The following SHF variants were observed in gnomAD, a reference collection of about 807,000 sequenced individuals.
The protein encoded by SHF is Src homology 2 domain containing F.
SHF carries 30 observed loss-of-function variants against 42.4 expected under a neutral mutation model. The ratio of observed to expected loss-of-function variants is 0.71; its 90% CI spans 0.53 to 0.96. The LOEUF is 0.96. Among genes scored for constraint, SHF ranks in the 40% least tolerant of loss-of-function variants. SHF has a pLI of 0.00. For synonymous variants in SHF, 264 were observed against 269.9 expected (o/e 0.98, Z 0.21); for missense variants, 598 against 634.0 (o/e 0.94, Z 0.61).
In SHF at chr15:45,173,655, G is replaced by A; in HGVS notation, c.909C>T (p.Ser303=). 1 of 1,551,636 alleles carries A rather than the reference G, an allele frequency of 6.4e-7. No homozygotes were observed. Among genetic ancestry groups the A allele is most frequent in the Non-Finnish European group, 8.7e-7 (1 of 1,146,976 alleles). The stretch of plus-strand genomic sequence containing the variant: ...CCCTGTCCCCATCAGGCAGGGAGGG[G>A]CTGCTGTCCAGCTGTCCCACAGGTG... The part of the protein sequence containing the change: ...WPPPVGQLDS[S]PSLPDGDRDI... Residue 303 remains serine, a synonymous_variant, in exon 4 of 7, where the codon AGC becomes AGT. Coordinates refer to ENST00000690270, the MANE Select transcript of SHF (RefSeq NM_001394037.1).
chr15:45,195,556 AT>A (rs1898838915), intron 2 of SHF, among the ~76,000 whole-genome samples: 1 of 151,604 alleles, frequency 6.6e-6, no homozygotes, highest in African/African-American at 2.4e-5. Context: ...ACATTCTTTT[AT>A]TTAAAGTCTA....
chr15:45,183,304 A>G (rs964283308), intron 1 of SHF, among the ~76,000 whole-genome samples: 1 of 141,952 alleles, frequency 7.0e-6, no homozygotes, highest in Non-Finnish European at 1.5e-5. Flanking sequence ...TCCTCACAGG[A>G]TTGTTTTAAG....
chr15:45,192,332 A>G (rs934969371), upstream of SHF, among the ~76,000 whole-genome samples: 6 of 127,002 alleles, frequency 4.7e-5, no homozygotes, highest in African/African-American at 1.2e-4. Context: ...GAAACTCCCT[A>G]CAGTTTTTTT....
intron 1 of SHF, chr15:45,200,399 C>T (rs900655890): frequency 2.7e-5 from 6 of 218,224 alleles, no homozygotes; most frequent in Non-Finnish European, 4.8e-5. Flanking sequence ...CTTGCCGTGC[C>T]ATTGTCCTCA....
intron 1 of SHF, among the ~76,000 whole-genome samples, chr15:45,185,553 C>G (rs919106861): frequency 6.6e-6 from 1 of 152,232 alleles, no homozygotes; most frequent in Admixed American, 6.5e-5. Flanking sequence ...CTCATCACAC[C>G]CATTAAAGAA....
chr15:45,195,004 A>AT (rs112318867), intron 2 of SHF, among the ~76,000 whole-genome samples: 7 of 151,154 alleles, frequency 4.6e-5, no homozygotes, highest in African/African-American at 1.5e-4. Context: ...TAATATTTTG[A>AT]TTTTTTTTGC....
At chr15:45,189,389 C>CTTT (rs11309833), upstream of SHF, among the ~76,000 whole-genome samples, 23 of 46,802 alleles carry the variant, frequency 4.9e-4, no homozygotes, top group African/African-American at 1.4e-3. Flanking sequence ...TCATGTCTGC[C>CTTT]TTTTTTTTTT....
intron 2 of SHF, chr15:45,198,605 A>G (rs1372525973): frequency 8.0e-6 from 6 of 747,512 alleles, no homozygotes; most frequent in Admixed American, 6.3e-5. Flanking sequence ...TGTTCCCACA[A>G]TGCCGTGACT....
intron 1 of SHF, among the ~76,000 whole-genome samples, chr15:45,185,462 A>C (rs1304200646): frequency 6.6e-6 from 1 of 152,192 alleles, no homozygotes; most frequent in Non-Finnish European, 1.5e-5. Context: ...TGCTCTCTCT[A>C]AATGGTGGGA....
At chr15:45,172,597 C>T (rs1379055293) in intron 4 of SHF, among the ~76,000 whole-genome samples, 1 of 152,206 alleles carries the variant, frequency 6.6e-6, no homozygotes, top group Non-Finnish European at 1.5e-5. Flanking sequence ...AGAAACCATG[C>T]ACGCTTCTCC....
At chr15:45,177,013 G>C (rs1257261802) in intron 2 of SHF, among the ~76,000 whole-genome samples, 1 of 152,260 alleles carries the variant, frequency 6.6e-6, no homozygotes, top group African/African-American at 2.4e-5. Context: ...CCTCCATTCT[G>C]CAGGCTTGTG....
At chr15:45,178,842 A>C (rs1897971397) in intron 1 of SHF, among the ~76,000 whole-genome samples, 1 of 152,224 alleles carries the variant, frequency 6.6e-6, no homozygotes, top group Non-Finnish European at 1.5e-5. Flanking sequence ...CCCAAGTGGT[A>C]CATCTTTTCC....
chr15:45,167,839 G>T lies in SHF; in HGVS notation c.*108C>A. The T allele has an allele frequency of 9.1e-7, 1 of 1,102,356 alleles. No individual in the cohort carries two copies. Among genetic ancestry groups the T allele is most frequent in the Non-Finnish European group, 1.2e-6 (1 of 816,536 alleles). The allele number at this position is 1,102,356 out of a possible 1,614,324, so 68.3% of individuals were successfully genotyped here. ...AATCTCCAGCTTCTACTGGATCCCA[G>T]GAGAAGAAAGGTTTGAAAGATCACG... is the stretch of plus-strand genomic sequence containing the variant. On this transcript the variant is annotated 3_prime_UTR_variant, in exon 7 of 7. Coordinates refer to ENST00000690270, the MANE Select transcript of SHF (RefSeq NM_001394037.1).
Position 45,187,595 on chromosome 15 carries a change from G to A in SHF, c.357C>T (p.Leu119=), listed in dbSNP as rs1898502352. 2 of 1,230,268 alleles carry A rather than the reference G, an allele frequency of 1.6e-6. No individual in the cohort carries two copies. The highest frequency in any genetic ancestry group is 4.2e-5 in the Admixed American group (1 of 23,658). The allele number at this position is 1,230,268 out of a possible 1,614,324, so 76.2% of individuals were successfully genotyped here. The change falls in exon 1 of 7, where the codon CTC becomes CTT. Residue 119 remains leucine (L), a synonymous_variant. Transcript: ENST00000690270. ...YSGGSSGSAA[L]ATPVAPGPTP... ...TGGGTCCGGGGGCGACAGGGGTGGC[G>A]AGGGCGGCGGAGCCGGACGACCCCC...
chr15:45,175,967 C>T lies in SHF; in HGVS notation c.641-542G>A, dbSNP rs1286586207. On this transcript the variant is annotated intron_variant, in intron 2 of 6. Transcript: ENST00000690270. ...CTGAGTAGCTGGGATTACAGACATC[C>T]GCCATCATGCCCGGCTAATTTTTGT... 1.4e-4 allele frequency among the ~76,000 whole-genome samples: 22 copies of T among 152,052 alleles called. No individual in the cohort carries two copies. In the East Asian group the frequency reaches 3.1e-3, roughly 21 times the overall value.
intron 6 of SHF, among the ~76,000 whole-genome samples, chr15:45,169,328 G>T (rs193083983): frequency 6.6e-6 from 1 of 152,298 alleles, no homozygotes; most frequent in East Asian, 1.9e-4. Context: ...AAAAACGGAG[G>T]CCCCAAACTC....
intron 6 of SHF, among the ~76,000 whole-genome samples, chr15:45,169,934 C>T (rs746984412): frequency 3.7e-4 from 57 of 152,232 alleles, no homozygotes; most frequent in Non-Finnish European, 6.5e-4. Context: ...AAAGCTCTTC[C>T]ATTAGTGAGA....
At chr15:45,198,689 G>C in intron 2 of SHF, 1 of 1,506,950 alleles carries the variant, frequency 6.6e-7, no homozygotes, top group South Asian at 1.3e-5. Context: ...AGCTACCGGG[G>C]ACCCGTAGGG....
intron 1 of SHF, chr15:45,200,457 A>G (rs933451867): frequency 1.5e-5 from 4 of 261,656 alleles, no homozygotes; most frequent in African/African-American, 8.8e-5. Flanking sequence ...GCCACAACGC[A>G]GAGTACTAAC....
Sources: allele counts gnomAD v4.1 joint callset (sites outside exome capture counted in the v4.1 genomes callset), GRCh38; gene constraint gnomAD v4.1.1; transcripts MANE v1.5; gene names NCBI Gene and HGNC (gene_info 2026-07-23, HGNC 2026-07-21).